Variants in EHMT1 observed in about 807,000 individuals in gnomAD.
EHMT1 encodes euchromatic histone lysine methyltransferase 1.
A neutral mutation model predicts 147.2 loss-of-function variants in EHMT1; 15 were observed. The observed-to-expected ratio is 0.10, with a 90% CI of 0.07 to 0.16. The LOEUF is 0.16. EHMT1 is among the 10% of genes least tolerant of loss of function. EHMT1 has a pLI of 1.00. For synonymous variants in EHMT1, 795 were observed against 709.6 expected (o/e 1.12, Z -1.91); for missense variants, 1,587 against 1,772.4 (o/e 0.90, Z 1.88).
chr9:137,619,804 A>G (rs1842842376), intron 1 of EHMT1, among the ~76,000 whole-genome samples: 2 of 152,118 alleles, frequency 1.3e-5, no homozygotes, highest in Non-Finnish European at 2.9e-5. Context: ...GAAGCAGCGT[A>G]GAGATTAAAG....
rs559481685 is a variant in EHMT1, at chr9:137,788,119, T to C, written c.2383-2729T>C. On this transcript the variant is annotated intron_variant, in intron 15 of 26. Transcript: ENST00000460843. ...AGGGGGCAGAGGGGCCACAGAGGCC[T>C]CTCAGAGGAGGGCAGGGGTGGGGTG... 7.9e-5 allele frequency: 101 copies of C among 1,283,798 alleles called. No individual in the cohort carries two copies. In the Middle Eastern group the frequency reaches 1.0e-3, roughly 13 times the overall value. The allele number at this position is 1,283,798 out of a possible 1,614,324, so 79.5% of individuals were successfully genotyped here. A position where few individuals can be genotyped will look rare whatever the true frequency, so the allele number is the denominator to read the frequency against.
chr9:137,768,297 A>T (rs1302123551), intron 10 of EHMT1, among the ~76,000 whole-genome samples: 1 of 147,266 alleles, frequency 6.8e-6, no homozygotes, highest in Non-Finnish European at 1.5e-5. Context: ...ACATCGTAAT[A>T]GTTTTTCCAC....
intron 1 of EHMT1, among the ~76,000 whole-genome samples, chr9:137,698,154 A>T (rs1943554731): frequency 6.6e-6 from 1 of 152,236 alleles, no homozygotes; most frequent in South Asian, 2.1e-4. Flanking sequence ...CACTGTCACA[A>T]GCGCTGAGGA....
At chr9:137,704,744 G>A (rs1465897734) in intron 1 of EHMT1, among the ~76,000 whole-genome samples, 1 of 150,550 alleles carries the variant, frequency 6.6e-6, no homozygotes, top group Non-Finnish European at 1.5e-5. Context: ...CCAGGCTCTG[G>A]GAGGGAATTT....
chr9:137,655,812 C>T lies in EHMT1; in HGVS notation c.21+36763C>T, dbSNP rs142646101. ...TAGCGTCTGAAGATCTGAGGTGGAA[C>T]AGTTTCTTCCTGAGCTACCCTCCTC... On this transcript the variant is annotated intron_variant, in intron 1 of 26. Transcript: ENST00000460843. Among the ~76,000 whole-genome samples, 18 of 152,308 alleles carry T rather than the reference C, an allele frequency of 1.2e-4. No homozygotes were observed. The East Asian group carries it at 3.3e-3, about 28-fold the overall frequency.
chr9:137,708,496 A>T (rs1384609872), intron 1 of EHMT1, among the ~76,000 whole-genome samples: 1 of 152,160 alleles, frequency 6.6e-6, no homozygotes. Flanking sequence ...GTGTCAGCTC[A>T]CCTTGTTAGG....
chr9:137,726,408 A>G (rs1466164369), intron 3 of EHMT1, among the ~76,000 whole-genome samples: 2 of 152,206 alleles, frequency 1.3e-5, no homozygotes, highest in East Asian at 3.8e-4. Context: ...CATTCGGCAC[A>G]GTGTCCCCGA....
At chr9:137,684,889 G>A (rs1486223701) in intron 1 of EHMT1, among the ~76,000 whole-genome samples, 1 of 151,978 alleles carries the variant, frequency 6.6e-6, no homozygotes, top group Non-Finnish European at 1.5e-5. Flanking sequence ...GCTATGTCCT[G>A]TTTTTTTACT....
At chr9:137,750,494 CTT>C (rs1948880922) in intron 6 of EHMT1, among the ~76,000 whole-genome samples, 1 of 152,160 alleles carries the variant, frequency 6.6e-6, no homozygotes, top group South Asian at 2.1e-4. Flanking sequence ...AAGAGTGTTC[CTT>C]GTTAATGTGG....
intron 1 of EHMT1, among the ~76,000 whole-genome samples, chr9:137,678,965 T>C (rs1481340642): frequency 6.6e-6 from 1 of 152,104 alleles, no homozygotes; most frequent in African/African-American, 2.4e-5. Context: ...TTTTATTTTA[T>C]TTTTTTGAGA....
At chr9:137,708,956 C>T (rs930388888) in intron 1 of EHMT1, among the ~76,000 whole-genome samples, 3 of 152,214 alleles carry the variant, frequency 2.0e-5, no homozygotes, top group East Asian at 1.9e-4. Flanking sequence ...TGATGTGGAA[C>T]GCTGGAGAGC....
At chr9:137,802,192 G>A (rs1953547892) in intron 18 of EHMT1, among the ~76,000 whole-genome samples, 1 of 152,218 alleles carries the variant, frequency 6.6e-6, no homozygotes, top group Admixed American at 6.5e-5. Context: ...GTGTGGCACT[G>A]GGCACGACAG....
In EHMT1 at chr9:137,787,732, A is replaced by G; in HGVS notation, c.2383-3116A>G. The G allele has an allele frequency of 2.7e-6, 2 of 741,104 alleles. No individual in the cohort carries two copies. The highest frequency in any genetic ancestry group is 4.8e-6 in the Non-Finnish European group (2 of 418,678). The allele number at this position is 741,104 out of a possible 1,614,324, so 45.9% of individuals were successfully genotyped here. ...CGCCAGGTCCCCAGGGTGCCACCGAAACATCGTAGATGCTTTTGTTGGGTG... is the reference window on the plus strand; with the variant it reads ...CGCCAGGTCCCCAGGGTGCCACCGAGACATCGTAGATGCTTTTGTTGGGTG... On this transcript the variant is annotated intron_variant, in intron 15 of 26. Transcript: ENST00000460843. The surrounding 1 kb of genome is among the most constrained non-coding windows in gnomAD (Gnocchi z 4.2).
chr9:137,745,219 G>A (rs561119575), intron 6 of EHMT1, among the ~76,000 whole-genome samples: 5 of 152,150 alleles, frequency 3.3e-5, no homozygotes, highest in East Asian at 1.9e-4. Context: ...GTGCTATGGC[G>A]TATCCCTGAA....
At position 137,828,051 on chromosome 9, in the gene EHMT1, C is replaced by T. The variant is rs1450218664; in HGVS notation, c.3541-6298C>T. 6.6e-6 allele frequency among the ~76,000 whole-genome samples: 1 copy of T among 152,160 alleles called. No homozygotes were observed. The highest frequency in any genetic ancestry group is 2.4e-5 in the African/African-American group (1 of 41,448). Reference sequence around the variant, plus strand: ...GGGTGCGACGGGGTGGTCGGCCCGGCTGCCATCGTGGGAGGGACGTGGACG... The same window carrying T: ...GGGTGCGACGGGGTGGTCGGCCCGGTTGCCATCGTGGGAGGGACGTGGACG... On this transcript the variant is annotated intron_variant, in intron 25 of 26. Transcript: ENST00000460843. This position sits in a 1 kb window ranked among gnomAD's most constrained non-coding sequence, Gnocchi z 5.3.
intron 1 of EHMT1, among the ~76,000 whole-genome samples, chr9:137,693,032 A>G (rs1382525589): frequency 1.3e-5 from 2 of 152,182 alleles, no homozygotes; most frequent in Admixed American, 6.5e-5. Context: ...CCTTTGGCGA[A>G]TGGGCACAGC....
chr9:137,689,972 T>C (rs565462193), intron 1 of EHMT1, among the ~76,000 whole-genome samples: 4 of 152,294 alleles, frequency 2.6e-5, no homozygotes, highest in Admixed American at 6.5e-5. Context: ...ACAGAAGCAG[T>C]GCACGCATAG....
chr9:137,745,618 G>C (rs1948480590), intron 6 of EHMT1: 2 of 398,366 alleles, frequency 5.0e-6, no homozygotes. Flanking sequence ...TGCACCGTGG[G>C]GAAGCAGCTA....
At chr9:137,666,001 C>G (rs1473088448) in intron 1 of EHMT1, 1 of 152,256 alleles carries the variant, frequency 6.6e-6, no homozygotes, top group African/African-American at 2.4e-5. Flanking sequence ...AACAATTGCA[C>G]TAAGACAGGA....
Sources: gnomAD v4.1 joint callset for allele counts (sites outside exome capture counted in the v4.1 genomes callset) on GRCh38, gnomAD v4.1.1 for gene constraint, Gnocchi (gnomAD v3.1) non-coding constraint, MANE v1.5 for transcripts, NCBI Gene and HGNC (gene_info 2026-07-23, HGNC 2026-07-21) for gene names.